Variants in TNFSF14 observed in about 807,000 individuals in gnomAD.
TNFSF14 encodes tumor necrosis factor ligand superfamily member 14.
Under a neutral mutation model 22.7 loss-of-function variants are expected in TNFSF14, and 15 were observed. The ratio of observed to expected loss-of-function variants is 0.66; its 90% CI spans 0.44 to 1.02. The LOEUF is 1.02. Ranked by LOEUF, TNFSF14 falls within the 50% of genes least tolerant of loss-of-function variation. TNFSF14 has a pLI of 0.00. For synonymous variants in TNFSF14, 133 were observed against 139.6 expected (o/e 0.95, Z 0.33); for missense variants, 287 against 326.2 (o/e 0.88, Z 0.93).
chr19:6,669,745 C>T, intron 1 of TNFSF14, 106 bp downstream of exon 1: 1 of 1,351,926 alleles, frequency 7.4e-7, no homozygotes, highest in South Asian at 1.4e-5. Context: ...CCTACACACA[C>T]ACACACACAC....
Position 6,662,197 on chromosome 19 carries a change from T to A in TNFSF14, c.*2729A>T, listed in dbSNP as rs1917264819. 1.3e-5 allele frequency: 2 copies of A among 152,088 alleles called. No individual in the cohort carries two copies. The highest frequency in any genetic ancestry group is 2.9e-5 in the Non-Finnish European group (2 of 68,078). 9.4% of individuals were successfully genotyped at this position (152,088 alleles called of 1,614,324 possible). ...GGTGCCCCCCACCACACCCAGGTAA[T>A]TTTTTGTATTTTTAGTAGAGATGGG... On this transcript the variant is annotated 3_prime_UTR_variant, in exon 4 of 4. Transcript: ENST00000675206.
chr19:6,669,737 TACACACAC>T (rs34381198), intron 1 of TNFSF14, 106 bp downstream of exon 1: 1,144 of 1,230,524 alleles, frequency 9.3e-4, no homozygotes, highest in East Asian at 1.5e-3. Flanking sequence ...TGCCCTGTCC[TACACACAC>T]ACACACACAC....
Position 6,665,018 on chromosome 19 carries a change from C to A in TNFSF14, c.631G>T (p.Ala211Ser). Reference protein sequence around the residue: ...SFLGGVVHLEAGEKVVVRVLD... With the variant: ...SFLGGVVHLESGEKVVVRVLD... The stretch of plus-strand genomic sequence containing the variant: ...ACACGGACGACCACCTTCTCCCCAG[C>A]CTCCAGGTGTACCACACCACCCAGG... Residue 211 changes from alanine (A) to serine (S), a missense_variant, in exon 4 of 4, where the codon GCT becomes TCT. By Grantham distance (99) the Ala-to-Ser change is moderately conservative (BLOSUM62 1). Coordinates refer to ENST00000675206, the MANE Select transcript of TNFSF14 (RefSeq NM_001376887.1). The A allele has an allele frequency of 6.2e-7, 1 of 1,614,082 alleles. No individual in the cohort carries two copies. Among genetic ancestry groups the A allele is most frequent in the Non-Finnish European group, 8.5e-7 (1 of 1,179,916 alleles).
At chr19:6,667,532 G>A in intron 1 of TNFSF14, 83 bp from the exon 2 acceptor site, 1 of 1,457,608 alleles carries the variant, frequency 6.9e-7, no homozygotes. Context: ...TATGAGACAT[G>A]AGGACCATAG....
intron 1 of TNFSF14, 42 bp from the exon 2 acceptor site, chr19:6,667,491 G>C: frequency 6.4e-7 from 1 of 1,567,598 alleles, no homozygotes; most frequent in South Asian, 1.2e-5. Flanking sequence ...CCTGCAGCGG[G>C]GGCCACGCCC....
At chr19:6,666,305 A>G (rs4533396) in intron 3 of TNFSF14, among the ~76,000 whole-genome samples, 94,947 of 151,066 alleles carry the variant, frequency 0.63, 30,017 homozygotes, top group East Asian at 0.81. Flanking sequence ...GGGAAGCTGA[A>G]GTGGGAGGAT....
In TNFSF14 at chr19:6,669,879, C is replaced by T. The variant is rs760204853; in HGVS notation, c.191G>A (p.Arg64His). 9.9e-6 allele frequency: 16 copies of T among 1,613,166 alleles called. No individual in the cohort carries two copies. The highest frequency in any genetic ancestry group is 7.7e-5 in the South Asian group (7 of 91,072). The stretch of plus-strand genomic sequence containing the variant: ...CAGGCGGGTGACCATCTCTCCTAGA[C>T]GCCAGTGCAGCTGCAGGAGGAACCA... ...QGWFLLQLHW[R>H]LGEMVTRLPD... is the part of the protein sequence containing the mutation. Residue 64 changes from arginine to histidine, a missense_variant, in exon 1 of 4, where the codon CGT (arginine) becomes CAT (histidine). Coordinates refer to ENST00000675206, the MANE Select transcript of TNFSF14 (RefSeq NM_001376887.1).
In TNFSF14 at chr19:6,661,691, T is replaced by A. The variant is rs1599482425; in HGVS notation, c.*3235A>T. On this transcript the variant is annotated 3_prime_UTR_variant, in exon 4 of 4. Coordinates refer to ENST00000675206, the MANE Select transcript of TNFSF14 (RefSeq NM_001376887.1). ...CCTGGCCCTCTCAGCTAAGGGAGAG[T>A]CAATCACGTTAAACACAAGGTAGGG... 6.6e-6 allele frequency: 1 copy of A among 151,304 alleles called. No individual in the cohort carries two copies. The highest frequency in any genetic ancestry group is 1.5e-5 in the Non-Finnish European group (1 of 67,848). 9.4% of individuals were successfully genotyped at this position (151,304 alleles called of 1,614,324 possible).
chr19:6,664,991 G>A lies in TNFSF14; in HGVS notation c.658C>T (p.Leu220=), dbSNP rs866045934. The change falls in exon 4 of 4, where the codon CTG becomes TTG. Residue 220 remains leucine, a synonymous_variant. Transcript: ENST00000675206. The surrounding 1 kb of genome is among the most constrained non-coding windows in gnomAD (Gnocchi z 4.7). ...CGCAGTCGAACCAGGCGTTCATCCA[G>A]CACACGGACGACCACCTTCTCCCCA... ...EAGEKVVVRV[L]DERLVRLRDG... is the part of the protein sequence containing the mutation. The A allele has an allele frequency of 1.2e-6, 2 of 1,613,310 alleles. No individual in the cohort carries two copies. Among genetic ancestry groups the A allele is most frequent in the African/African-American group, 2.7e-5 (2 of 75,014 alleles).
In TNFSF14 at chr19:6,666,396, C is replaced by CAAAA. The variant is rs5826941; in HGVS notation, c.298+713_298+716dup. ...TAGTTGACAGAGTAAGACCCTGTCT[C>CAAAA]AAAAAAAAAAAAAAAAAATGTCCAA... On this transcript the variant is annotated intron_variant, in intron 3 of 3. Transcript: ENST00000675206. 4.7e-5 allele frequency among the ~76,000 whole-genome samples: 6 copies of CAAAA among 128,126 alleles called. 1 individual carries two copies. Among genetic ancestry groups the CAAAA allele is most frequent in the African/African-American group, 5.9e-5 (2 of 33,656 alleles). 84.1% of individuals were successfully genotyped at this position (128,126 alleles called of 152,430 possible).
chr19:6,670,005 G>A lies in TNFSF14; in HGVS notation c.65C>T (p.Thr22Met), dbSNP rs766615652. ...TCTCCGGTGGCTTCGTCCCAGCCTC[G>A]TGAATGGGATGTCGGTCTGTCCATC... The part of the protein sequence containing the change: ...VVDGQTDIPF[T>M]RLGRSHRRQS... Residue 22 changes from threonine to methionine, a missense_variant, in exon 1 of 4, where the codon ACG becomes ATG. Physicochemically the swap from Thr to Met is moderately conservative, Grantham distance 81. Transcript: ENST00000675206. 1.2e-5 allele frequency: 19 copies of A among 1,614,022 alleles called. No homozygotes were observed. The highest frequency in any genetic ancestry group is 5.3e-5 in the African/African-American group (4 of 74,908).
rs748445861 is a variant in TNFSF14, at chr19:6,665,304, C to G, written c.345G>C (p.Glu115Asp). 1.2e-6 allele frequency: 2 copies of G among 1,610,394 alleles called. No individual in the cohort carries two copies. Among genetic ancestry groups the G allele is most frequent in the Non-Finnish European group, 1.7e-6 (2 of 1,178,668 alleles). The part of the protein sequence containing the change: ...LTGSGGPLLW[E>D]TQLGLAFLRG... ...TCAGGAAGGCCAGGCCCAGCTGAGT[C>G]TCCCATAACAGCGGCCCCCCGCTGC... The change falls in exon 4 of 4, where the codon GAG (glutamate) becomes GAC (aspartate). Residue 115 changes from glutamate (E) to aspartate (D), a missense_variant. By Grantham distance (45) the Glu-to-Asp change is conservative. Transcript: ENST00000675206.
At chr19:6,667,905 G>T (rs1448205294) in intron 1 of TNFSF14, among the ~76,000 whole-genome samples, 1 of 152,098 alleles carries the variant, frequency 6.6e-6, no homozygotes, top group Non-Finnish European at 1.5e-5. Flanking sequence ...GCTGGGCCTG[G>T]TGGTGGGTGC....
At chr19:6,669,285 A>C (rs1917524064) in intron 1 of TNFSF14, among the ~76,000 whole-genome samples, 1 of 152,020 alleles carries the variant, frequency 6.6e-6, no homozygotes, top group Non-Finnish European at 1.5e-5. Flanking sequence ...GGAGTTTGAG[A>C]CCAGCCTGAC....
chr19:6,666,213 G>C (rs1457951177), intron 3 of TNFSF14, among the ~76,000 whole-genome samples: 1 of 151,668 alleles, frequency 6.6e-6, no homozygotes, highest in African/African-American at 2.4e-5. Flanking sequence ...TCCAGATGAA[G>C]TAACATAGGG....
chr19:6,667,215 A>G, intron 2 of TNFSF14, 61 bp from the exon 3 acceptor site: 1 of 1,498,004 alleles, frequency 6.7e-7, no homozygotes. Context: ...CCAGCCTCCT[A>G]AAGGGCCACC....
intron 3 of TNFSF14, among the ~76,000 whole-genome samples, chr19:6,665,862 C>T (rs1255173086): frequency 6.6e-6 from 1 of 151,526 alleles, no homozygotes; most frequent in Non-Finnish European, 1.5e-5. Flanking sequence ...AGGCTGGTCT[C>T]GAATTCCTGT....
In TNFSF14 at chr19:6,663,824, TCTTC is replaced by T. The variant is rs1271689063; in HGVS notation, c.*1098_*1101del. On this transcript the variant is annotated 3_prime_UTR_variant, in exon 4 of 4. Coordinates refer to ENST00000675206, the MANE Select transcript of TNFSF14 (RefSeq NM_001376887.1). ...GCCATAGGTGTGACTGTAGAGTCAT[TCTTC>T]CTTCCTTTCAATCAGCAAGCATTTC... The T allele has an allele frequency of 2.0e-5, 3 of 152,278 alleles. No individual in the cohort carries two copies. Among genetic ancestry groups the T allele is most frequent in the South Asian group, 2.1e-4 (1 of 4,836 alleles). 9.4% of individuals were successfully genotyped at this position (152,278 alleles called of 1,614,324 possible).
chr19:6,665,188 C>G lies in TNFSF14; in HGVS notation c.461G>C (p.Cys154Ser), dbSNP rs761825795. The change falls in exon 4 of 4, where the codon TGC becomes TCC. Residue 154 changes from cysteine to serine, a missense_variant. Coordinates refer to ENST00000675206, the MANE Select transcript of TNFSF14 (RefSeq NM_001376887.1). ...GATGGTGCTGGCCAGGCCCAGCGGG[C>G]AGCCCACACCGCCCAGCTGCACCTT... is the stretch of plus-strand genomic sequence containing the variant. ...YSKVQLGGVG[C>S]PLGLASTITH... 6.2e-7 allele frequency: 1 copy of G among 1,614,122 alleles called. No homozygotes were observed. Among genetic ancestry groups the G allele is most frequent in the South Asian group, 1.1e-5 (1 of 91,082 alleles).
Sources: allele counts gnomAD v4.1 joint callset (sites outside exome capture counted in the v4.1 genomes callset), GRCh38; gene constraint gnomAD v4.1.1; non-coding constraint Gnocchi (gnomAD v3.1); transcripts MANE v1.5; gene names NCBI Gene and HGNC (gene_info 2026-07-23, HGNC 2026-07-21).